NRXN1: variants seen among roughly 807,000 people sequenced by gnomAD.
NRXN1 encodes the protein neurexin-1.
In NRXN1, 39 loss-of-function variants were observed where a neutral mutation model predicts 150.9. The ratio of observed to expected loss-of-function variants is 0.26; its 90% CI spans 0.20 to 0.34. The LOEUF is 0.34. Ranked by LOEUF, NRXN1 falls within the 10% of genes least tolerant of loss-of-function variation. The pLI, the probability that NRXN1 is intolerant of heterozygous loss-of-function variation, is 1.00. For missense variants in NRXN1, 1,815 were observed against 1,949.9 expected (o/e 0.93, Z 1.30); for synonymous variants, 924 against 757.0 (o/e 1.22, Z -3.62).
intron 17 of NRXN1, among the ~76,000 whole-genome samples, chr2:50,379,351 G>A (rs901782429): frequency 6.6e-6 from 1 of 152,124 alleles, no homozygotes; most frequent in African/African-American, 2.4e-5. Context: ...GGAAAAAAAG[G>A]GGATGGAAAT....
At chr2:51,010,931 C>T (rs1367296695) in intron 2 of NRXN1, among the ~76,000 whole-genome samples, 2 of 151,852 alleles carry the variant, frequency 1.3e-5, no homozygotes, top group African/African-American at 2.4e-5. Flanking sequence ...CAGGTGTATG[C>T]CACAACATCT....
chr2:50,647,153 T>G (rs1345486940), intron 5 of NRXN1, among the ~76,000 whole-genome samples: 1 of 151,852 alleles, frequency 6.6e-6, no homozygotes, highest in Non-Finnish European at 1.5e-5. Flanking sequence ...AATTTTAGAC[T>G]TGTTGTTTAG....
intron 12 of NRXN1, among the ~76,000 whole-genome samples, chr2:50,512,339 C>T (rs570695780): frequency 4.3e-4 from 65 of 152,250 alleles, no homozygotes; most frequent in Middle Eastern, 3.4e-3. Flanking sequence ...AATATTAATA[C>T]GTGCTAGAAA....
intron 17 of NRXN1, among the ~76,000 whole-genome samples, chr2:50,292,733 G>T (rs754525251): frequency 1.3e-5 from 2 of 152,142 alleles, no homozygotes; most frequent in Non-Finnish European, 2.9e-5. Flanking sequence ...TTGTTGCAAA[G>T]AATCTGCCAA....
intron 5 of NRXN1, among the ~76,000 whole-genome samples, chr2:50,836,290 T>C (rs1390284452): frequency 6.6e-6 from 1 of 152,114 alleles, no homozygotes; most frequent in Non-Finnish European, 1.5e-5. Context: ...AATTAACAAA[T>C]CCAATGCTTC....
chr2:49,938,694 T>C (rs1176421353), intron 22 of NRXN1, among the ~76,000 whole-genome samples: 1 of 152,168 alleles, frequency 6.6e-6, no homozygotes, highest in Non-Finnish European at 1.5e-5. Flanking sequence ...TAACAGGAAA[T>C]TGTCCTTCCT....
chr2:50,431,513 A>T (rs2084961932), intron 17 of NRXN1, among the ~76,000 whole-genome samples: 1 of 152,220 alleles, frequency 6.6e-6, no homozygotes, highest in Non-Finnish European at 1.5e-5. Flanking sequence ...TATGGCACAA[A>T]GGCTAAGAAC....
At chr2:50,296,413 G>A (rs2073565867) in intron 17 of NRXN1, among the ~76,000 whole-genome samples, 1 of 152,010 alleles carries the variant, frequency 6.6e-6, no homozygotes. Context: ...TTTGTTAAAT[G>A]GATATATTGT....
intron 21 of NRXN1, among the ~76,000 whole-genome samples, chr2:49,995,517 C>T (rs1485844841): frequency 2.6e-5 from 4 of 151,822 alleles, no homozygotes; most frequent in Admixed American, 6.6e-5. Context: ...CGCGGTGGCT[C>T]ACGCCTCTAA....
intron 21 of NRXN1, among the ~76,000 whole-genome samples, chr2:49,985,358 T>C (rs888170664): frequency 4.6e-5 from 7 of 152,216 alleles, no homozygotes; most frequent in African/African-American, 1.4e-4. Flanking sequence ...TAGTGTTCTA[T>C]ATTTAATGAA....
At chr2:50,748,481 C>G (rs780540103) in intron 5 of NRXN1, among the ~76,000 whole-genome samples, 1 of 152,118 alleles carries the variant, frequency 6.6e-6, no homozygotes, top group East Asian at 1.9e-4. Context: ...CATTAGCGTA[C>G]AGCCTTTCAT....
At chr2:50,746,632 G>A (rs557222090) in intron 5 of NRXN1, among the ~76,000 whole-genome samples, 19 of 152,126 alleles carry the variant, frequency 1.2e-4, no homozygotes, top group African/African-American at 4.6e-4. Flanking sequence ...AATTCACAAA[G>A]GCACATTTGA....
intron 17 of NRXN1, among the ~76,000 whole-genome samples, chr2:50,331,003 A>G (rs2076802111): frequency 6.6e-6 from 1 of 152,192 alleles, no homozygotes; most frequent in Admixed American, 6.5e-5. Flanking sequence ...TTTGTCATCC[A>G]TACAAAGTCA....
chr2:50,221,149 G>A (rs1330384889), intron 18 of NRXN1, among the ~76,000 whole-genome samples: 1 of 150,942 alleles, frequency 6.6e-6, no homozygotes, highest in Non-Finnish European at 1.5e-5. Context: ...AATCTCATGG[G>A]CTGTGTATCG....
chr2:50,724,831 T>A (rs2105151304), intron 5 of NRXN1, among the ~76,000 whole-genome samples: 1 of 152,292 alleles, frequency 6.6e-6, no homozygotes, highest in African/African-American at 2.4e-5. Context: ...GGCAACCTGC[T>A]TGGGTCCCCT....
intron 8 of NRXN1, among the ~76,000 whole-genome samples, chr2:50,594,221 A>C (rs1267674557): frequency 6.6e-6 from 1 of 152,184 alleles, no homozygotes; most frequent in African/African-American, 2.4e-5. Context: ...AATTTACTAC[A>C]TATCACAACT....
In NRXN1 at chr2:50,552,854, C is replaced by A; in HGVS notation, c.1492G>T (p.Ala498Ser). The change falls in exon 9 of 23, where the codon GCA becomes TCA. Residue 498 changes from alanine (A) to serine (S), a missense_variant. Coordinates refer to ENST00000401669, the MANE Select transcript of NRXN1 (RefSeq NM_001330078.2). The part of the protein sequence containing the change: ...ESFISLPKWN[A>S]KKTGSISFDF... The stretch of plus-strand genomic sequence containing the variant: ...AATGATATGGAGCCAGTTTTCTTTG[C>A]ATTCCATTTAGGCAAAGAGATGAAA... 6.2e-7 allele frequency: 1 copy of A among 1,613,956 alleles called. No individual in the cohort carries two copies.
intron 17 of NRXN1, among the ~76,000 whole-genome samples, chr2:50,352,472 T>C (rs112978503): frequency 6.8e-4 from 104 of 152,048 alleles, no homozygotes; most frequent in Non-Finnish European, 1.2e-3. Flanking sequence ...GGAAATATAT[T>C]AAAACCCACA....
At chr2:50,573,590 T>C (rs1358422593) in intron 8 of NRXN1, among the ~76,000 whole-genome samples, 6 of 152,074 alleles carry the variant, frequency 3.9e-5, no homozygotes, top group Admixed American at 3.9e-4. Context: ...TTTTTATCCA[T>C]ATTACAACCA....
Sources: gnomAD v4.1 joint callset for allele counts (sites outside exome capture counted in the v4.1 genomes callset) on GRCh38, gnomAD v4.1.1 for gene constraint, MANE v1.5 for transcripts, NCBI Gene and HGNC (gene_info 2026-07-23, HGNC 2026-07-21) for gene names.